CS: variants seen among roughly 807,000 people sequenced by gnomAD.
CS encodes the protein citrate synthase.
CS carries 13 observed loss-of-function variants against 61.4 expected under a neutral mutation model. That is an observed-to-expected ratio of 0.21 (90% CI 0.14 to 0.34). The LOEUF (loss-of-function observed/expected upper bound fraction) is 0.34, where lower values mean the gene tolerates loss of function less well. Ranked by LOEUF, CS falls within the 10% of genes least tolerant of loss-of-function variation. The probability of loss-of-function intolerance (pLI) is 1.00; values close to 1 mark genes in which losing one functional copy is unlikely to be tolerated. For synonymous variants in CS, 159 were observed against 215.2 expected (o/e 0.74, Z 2.29); for missense variants, 278 against 573.4 (o/e 0.48, Z 5.26).
chr12:56,286,096 A>G, intron 2 of CS, 73 bp from the exon 3 acceptor site: 1 of 1,349,012 alleles, frequency 7.4e-7, no homozygotes, highest in Non-Finnish European at 1.1e-6. Context: ...AGGTGTGTCA[A>G]GAATTTGCTT....
chr12:56,276,954 C>T (rs1872636676), intron 6 of CS, among the ~76,000 whole-genome samples: 1 of 152,106 alleles, frequency 6.6e-6, no homozygotes, highest in African/African-American at 2.4e-5. Context: ...AATGCCAGCA[C>T]TTTGGGAGGC....
At chr12:56,278,623 GC>G (rs1232342333) in intron 6 of CS, among the ~76,000 whole-genome samples, 1 of 151,766 alleles carries the variant, frequency 6.6e-6, no homozygotes, top group Non-Finnish European at 1.5e-5. Flanking sequence ...TGTGGTCCCA[GC>G]TACTCGGGAG....
At chr12:56,294,096 T>C (rs1253827231) in intron 1 of CS, among the ~76,000 whole-genome samples, 1 of 152,240 alleles carries the variant, frequency 6.6e-6, no homozygotes, top group Non-Finnish European at 1.5e-5. Context: ...ACAGATTTCA[T>C]ACTTTGACCT....
intron 1 of CS, among the ~76,000 whole-genome samples, chr12:56,299,210 A>C (rs2135929164): frequency 6.6e-6 from 1 of 152,284 alleles, no homozygotes; most frequent in African/African-American, 2.4e-5. Flanking sequence ...GGACTCCCTC[A>C]GCACAGCAGT....
chr12:56,280,427 A>AAAAAC (rs1565620564), intron 6 of CS, among the ~76,000 whole-genome samples: 5 of 140,836 alleles, frequency 3.6e-5, no homozygotes, highest in African/African-American at 5.1e-5. Context: ...AAAAAAAACA[A>AAAAAC]AAAAAAAAAA....
In CS at chr12:56,276,114, C is replaced by G; in HGVS notation, c.670G>C (p.Gly224Arg). 1 of 1,614,140 alleles carries G rather than the reference C, an allele frequency of 6.2e-7. No individual in the cohort carries two copies. The highest frequency in any genetic ancestry group is 8.5e-7 in the Non-Finnish European group (1 of 1,180,040). The change falls in exon 7 of 11, where the codon GGC becomes CGC. Residue 224 changes from glycine to arginine, a missense_variant. Gly to Arg is a moderately radical substitution (Grantham distance 125). This residue lies in a region of CS where 223 missense variants were observed against 503.5 expected (regional missense o/e 0.44). Transcript: ENST00000351328. The stretch of plus-strand genomic sequence containing the variant: ...GAGTCAATGGCCCCAATACCGCTGC[C>G]TTCTCTGTAGAGATTTCGGTAGATC... ...AKIYRNLYREGSGIGAIDSNL... is the reference protein window; with the variant it reads ...AKIYRNLYRERSGIGAIDSNL...
intron 1 of CS, among the ~76,000 whole-genome samples, chr12:56,294,381 G>A (rs1279907054): frequency 4.0e-5 from 6 of 149,184 alleles, no homozygotes; most frequent in Admixed American, 1.3e-4. Flanking sequence ...AGCTGAGAAA[G>A]GACAATTGCT....
intron 6 of CS, among the ~76,000 whole-genome samples, chr12:56,278,734 G>GAA (rs761606533): frequency 8.8e-5 from 12 of 136,306 alleles, no homozygotes; most frequent in South Asian, 2.4e-4. Flanking sequence ...CTCTGTCTCG[G>GAA]AAAAAAAAAA....
At chr12:56,287,000 C>T (rs1872959079) in intron 1 of CS, among the ~76,000 whole-genome samples, 1 of 152,176 alleles carries the variant, frequency 6.6e-6, no homozygotes, top group Non-Finnish European at 1.5e-5. Context: ...ATCTCTCCTG[C>T]ACCTGGTCTT....
chr12:56,292,536 G>A (rs1021494162), intron 1 of CS, among the ~76,000 whole-genome samples: 8 of 151,540 alleles, frequency 5.3e-5, no homozygotes, highest in Non-Finnish European at 8.8e-5. Context: ...TCCTTTGCTC[G>A]GTGTACTCTC....
Position 56,300,285 on chromosome 12 carries a change from A to G in CS, c.-84T>C. On this transcript the variant is annotated 5_prime_UTR_variant, in exon 1 of 11. Coordinates refer to ENST00000351328, the MANE Select transcript of CS (RefSeq NM_004077.3). ...ACAGGAGCCGCCGCCGCTGCACCAG[A>G]GGCCGCGCCGACGGGTTGACAAGGT... is the stretch of plus-strand genomic sequence containing the variant. The G allele has an allele frequency of 7.1e-7, 1 of 1,409,732 alleles. No individual in the cohort carries two copies. The highest frequency in any genetic ancestry group is 9.6e-7 in the Non-Finnish European group (1 of 1,037,090). 87.3% of individuals were successfully genotyped at this position (1,409,732 alleles called of 1,614,324 possible). A position where few individuals can be genotyped will look rare whatever the true frequency, so the allele number is the denominator to read the frequency against.
intron 1 of CS, among the ~76,000 whole-genome samples, chr12:56,288,466 G>A (rs1873013344): frequency 6.6e-6 from 1 of 150,724 alleles, no homozygotes; most frequent in Admixed American, 6.7e-5. Flanking sequence ...CTCCTGAGTA[G>A]CTGGGATTAT....
At chr12:56,277,911 G>A (rs1872670234) in intron 6 of CS, among the ~76,000 whole-genome samples, 1 of 152,128 alleles carries the variant, frequency 6.6e-6, no homozygotes. Flanking sequence ...TTACAGGAGT[G>A]AGCCACCGCA....
chr12:56,298,678 T>C, intron 1 of CS: 1 of 985,420 alleles, frequency 1.0e-6, no homozygotes, highest in East Asian at 1.1e-4. Flanking sequence ...CAGCTAGTAC[T>C]TGCCACTGGG....
At chr12:56,276,778 G>T (rs1388141695) in intron 6 of CS, among the ~76,000 whole-genome samples, 1 of 152,180 alleles carries the variant, frequency 6.6e-6, no homozygotes, top group East Asian at 1.9e-4. Flanking sequence ...CCGACCTCAG[G>T]TGATCTGCCT....
At chr12:56,276,570 T>G (rs1009145690) in intron 6 of CS, among the ~76,000 whole-genome samples, 4 of 152,212 alleles carry the variant, frequency 2.6e-5, no homozygotes, top group African/African-American at 9.6e-5. Context: ...AGACAGAGTT[T>G]CACTCTTGTT....
At position 56,276,082 on chromosome 12, in the gene CS, C is replaced by A. The variant is rs754470283; in HGVS notation, c.702G>T (p.Leu234=). The A allele has an allele frequency of 8.7e-6, 14 of 1,614,020 alleles. No homozygotes were observed. Among genetic ancestry groups the A allele is most frequent in the Admixed American group, 6.7e-5 (4 of 60,002 alleles). The change falls in exon 7 of 11, where the codon CTG becomes CTT. Residue 234 remains leucine (L), a synonymous_variant. Coordinates refer to ENST00000351328, the MANE Select transcript of CS (RefSeq NM_004077.3). ...GSGIGAIDSN[L]DWSHNFTNML... ...TGTTGGTGAAATTGTGAGACCAGTC[C>A]AGGTTAGAGTCAATGGCCCCAATAC...
chr12:56,288,897 G>A (rs1417120184), intron 1 of CS, among the ~76,000 whole-genome samples: 1 of 152,068 alleles, frequency 6.6e-6, no homozygotes, highest in Non-Finnish European at 1.5e-5. Flanking sequence ...CTGGGCTCAA[G>A]TGATCCTCCA....
At position 56,280,440 on chromosome 12, in the gene CS, A is replaced by AAAAAACCC. The variant is rs1555162652; in HGVS notation, c.588+1979_588+1980insGGGTTTTT. The stretch of plus-strand genomic sequence containing the variant: ...CCAAAAAAAACAAAAAAAAAAAACA[A>AAAAAACCC]AAAAATTAGCCAGGAGTGGTGGTGT... On this transcript the variant is annotated intron_variant, in intron 6 of 10. Transcript: ENST00000351328. Among the ~76,000 whole-genome samples the AAAAAACCC allele has an allele frequency of 9.9e-3, 1,187 of 119,644 alleles. 38 individuals carry two copies. The highest frequency in any genetic ancestry group is 0.017 in the East Asian group (66 of 3,998). The allele number at this position is 119,644 out of a possible 152,430, so 78.5% of individuals were successfully genotyped here. A position where few individuals can be genotyped will look rare whatever the true frequency, so the allele number is the denominator to read the frequency against.
Sources: gnomAD v4.1 joint callset for allele counts (sites outside exome capture counted in the v4.1 genomes callset) on GRCh38, gnomAD v4.1.1 for gene constraint, gnomAD v4.1.1 regional missense constraint, MANE v1.5 for transcripts, NCBI Gene and HGNC (gene_info 2026-07-23, HGNC 2026-07-21) for gene names.